IPO5: variants seen among roughly 807,000 people sequenced by gnomAD.
IPO5 encodes importin 5.
IPO5 carries 18 observed loss-of-function variants against 143.3 expected under a neutral mutation model. That is an observed-to-expected ratio of 0.13 (90% confidence interval 0.09 to 0.19). The LOEUF (loss-of-function observed/expected upper bound fraction) is 0.19. Ranked by LOEUF, IPO5 falls within the 10% of genes least tolerant of loss-of-function variation. The pLI is 1.00. For synonymous variants in IPO5, 477 were observed against 465.7 expected, an observed-to-expected ratio of 1.02 and a Z score of -0.31; for missense variants, 1,013 against 1,336.9, an observed-to-expected ratio of 0.76 and a Z score of 3.78.
In IPO5 at chr13:98,010,207, A is replaced by T; in HGVS notation, c.2038A>T (p.Thr680Ser). Reference protein sequence around the residue: ...IKTAGLEEKSTACQMLVCYAK... With the variant: ...IKTAGLEEKSSACQMLVCYAK... Reference sequence around the variant, plus strand: ...AACTGCAGGACTAGAAGAAAAATCAACTGCTTGCCAGATGTTGGTAAGAGA... The same window carrying T: ...AACTGCAGGACTAGAAGAAAAATCATCTGCTTGCCAGATGTTGGTAAGAGA... The change falls in exon 20 of 29, where the codon ACT (threonine) becomes TCT (serine). Residue 680 changes from threonine to serine, a missense_variant. Thr to Ser is a moderately conservative substitution (Grantham distance 58). Around this residue, in one of 2 missense-constraint regions of IPO5, gnomAD observed 685 missense variants for 994.9 expected, o/e 0.69. Coordinates refer to ENST00000651721, the MANE Select transcript of IPO5 (RefSeq NM_002271.6). The T allele has an allele frequency of 6.2e-7, 1 of 1,613,946 alleles. No individual in the cohort carries two copies. Among genetic ancestry groups the T allele is most frequent in the Non-Finnish European group, 8.5e-7 (1 of 1,179,920 alleles).
rs1218274861 is a variant in IPO5 at position 98,009,916 on chromosome 13, C to T, written c.1836C>T (p.Cys612=). The T allele has an allele frequency of 6.2e-7, 1 of 1,613,138 alleles. No individual in the cohort carries two copies. Among genetic ancestry groups the T allele is most frequent in the Admixed American group, 1.7e-5 (1 of 59,932 alleles). ...TGATCTCAGCATGGGCCAGAATGTG[C>T]AAAATCCTTGGAAAAGAATTTCAGC... ...SYMISAWARM[C]KILGKEFQQY... The change falls in exon 19 of 29, where the codon TGC becomes TGT. Residue 612 remains cysteine, a synonymous_variant. Coordinates refer to ENST00000651721, the MANE Select transcript of IPO5 (RefSeq NM_002271.6).
intron 9 of IPO5, 101 bp downstream of exon 9, chr13:97,990,638 G>T (rs1887730819): frequency 1.5e-6 from 1 of 658,854 alleles, no homozygotes; most frequent in South Asian, 2.0e-5. Flanking sequence ...TTATGTTCTG[G>T]CGCTAGGCAT....
intron 26 of IPO5, 31 bp from the exon 27 acceptor site, chr13:98,019,550 T>C: frequency 6.8e-7 from 1 of 1,460,288 alleles, no homozygotes; most frequent in Non-Finnish European, 9.6e-7. Context: ...TGTGAGGTTT[T>C]AGCTGAACTT....
chr13:97,963,197 A>C (rs1294775385), intron 2 of IPO5: 1 of 152,190 alleles, frequency 6.6e-6, no homozygotes, highest in East Asian at 1.9e-4. Context: ...TGTTTGACCA[A>C]ACAACGGGGC....
chr13:97,985,411 C>T lies in IPO5; in HGVS notation c.172-10C>T. ...TGAATCTAGTTATTAACAATGTTAT[C>T]TGTTTATAGGCTAGACAAATGGCCG... is the stretch of plus-strand genomic sequence containing the variant. On this transcript the variant is annotated splice_polypyrimidine_tract_variant and intron_variant, in intron 5 of 28. Coordinates refer to ENST00000651721, the MANE Select transcript of IPO5 (RefSeq NM_002271.6). 1 of 1,598,204 alleles carries T rather than the reference C, an allele frequency of 6.3e-7. No individual in the cohort carries two copies. The highest frequency in any genetic ancestry group is 8.6e-7 in the Non-Finnish European group (1 of 1,166,060).
At chr13:97,975,978 G>T in intron 3 of IPO5, 1 of 985,540 alleles carries the variant, frequency 1.0e-6, no homozygotes, top group African/African-American at 1.7e-5. Context: ...GTCTGAAAGC[G>T]AGAAGTCCGT....
Position 98,002,739 on chromosome 13 carries a change from T to C in IPO5, c.1289T>C (p.Phe430Ser). Reference protein sequence around the residue: ...CNAVGQMATDFAPGFQKKFHE... With the variant: ...CNAVGQMATDSAPGFQKKFHE... ...GCCGTGGGACAGATGGCTACAGATTTTGCACCTGGTTTCCAAAAGAAATTT... is the reference window on the plus strand; with the variant it reads ...GCCGTGGGACAGATGGCTACAGATTCTGCACCTGGTTTCCAAAAGAAATTT... Residue 430 changes from phenylalanine to serine, a missense_variant, in exon 15 of 29, where the codon TTT becomes TCT. By Grantham distance (155) the Phe-to-Ser change is radical. Transcript: ENST00000651721. 1 of 1,612,422 alleles carries C rather than the reference T, an allele frequency of 6.2e-7. No individual in the cohort carries two copies. The highest frequency in any genetic ancestry group is 8.5e-7 in the Non-Finnish European group (1 of 1,179,396).
intron 12 of IPO5, among the ~76,000 whole-genome samples, chr13:97,998,773 G>A (rs1303737288): frequency 1.3e-5 from 2 of 152,144 alleles, no homozygotes; most frequent in Non-Finnish European, 2.9e-5. Flanking sequence ...AGGTTATGTA[G>A]CCAGTTAATG....
chr13:97,959,352 T>C (rs1371502725), intron 2 of IPO5, among the ~76,000 whole-genome samples: 2 of 152,068 alleles, frequency 1.3e-5, no homozygotes, highest in African/African-American at 2.4e-5. Context: ...TGTTTTTGCC[T>C]CTGTCCTTCG....
intron 21 of IPO5, among the ~76,000 whole-genome samples, chr13:98,012,961 A>G (rs1446136304): frequency 6.6e-6 from 1 of 152,018 alleles, no homozygotes; most frequent in Non-Finnish European, 1.5e-5. Context: ...GTCTTAATAG[A>G]TTAGAGAACC....
At chr13:98,003,991 A>C (rs1377547673) in intron 16 of IPO5, among the ~76,000 whole-genome samples, 1 of 152,254 alleles carries the variant, frequency 6.6e-6, no homozygotes, top group Non-Finnish European at 1.5e-5. Context: ...TAAGGGATGC[A>C]ACCTGAAAAC....
intron 21 of IPO5, among the ~76,000 whole-genome samples, chr13:98,013,271 C>CT (rs1889863444): frequency 6.6e-6 from 1 of 151,998 alleles, no homozygotes; most frequent in African/African-American, 2.4e-5. Context: ...TAGAGACGGG[C>CT]TTTCACCACG....
intron 3 of IPO5, among the ~76,000 whole-genome samples, chr13:97,975,165 G>A (rs561042217): frequency 7.9e-4 from 120 of 151,398 alleles, no homozygotes; most frequent in Admixed American, 2.4e-3. Flanking sequence ...GTGTCCCTTT[G>A]GGGCAGAAAT....
chr13:98,017,602 G>A (rs1890211981), intron 25 of IPO5, among the ~76,000 whole-genome samples: 1 of 150,992 alleles, frequency 6.6e-6, no homozygotes, highest in African/African-American at 2.4e-5. Context: ...CCAGGCCTAC[G>A]CTTCCTATTT....
chr13:97,999,073 G>A (rs1888540385), intron 12 of IPO5, among the ~76,000 whole-genome samples: 1 of 152,138 alleles, frequency 6.6e-6, no homozygotes, highest in Admixed American at 6.5e-5. Context: ...AACCTGGGAG[G>A]TGGAGGTTGC....
intron 4 of IPO5, chr13:97,977,125 GCCCCTT>G (rs1300680177): frequency 6.4e-6 from 1 of 157,420 alleles, no homozygotes; most frequent in East Asian, 1.9e-4. Flanking sequence ...CTCCCCGCTT[GCCCCTT>G]TCCCGCTTTC....
At position 98,015,781 on chromosome 13, in the gene IPO5, G is replaced by A. The variant is rs1381006667; in HGVS notation, c.2493G>A (p.Glu831=). ...AGGTCGAAGAGTCACTACAAGATGA[G>A]GTAAGTTATTCCCTTTGGAACTTAC... is the stretch of plus-strand genomic sequence containing the variant. ...DEQVEESLQD[E]DDNDVYILTK... The change falls in exon 24 of 29, where the codon GAG becomes GAA. Residue 831 remains glutamate (E), a splice_region_variant and synonymous_variant. Coordinates refer to ENST00000651721, the MANE Select transcript of IPO5 (RefSeq NM_002271.6). 2 of 1,598,902 alleles carry A rather than the reference G, an allele frequency of 1.3e-6. No individual in the cohort carries two copies. Among genetic ancestry groups the A allele is most frequent in the Non-Finnish European group, 8.5e-7 (1 of 1,171,844 alleles).
At chr13:98,010,052 C>T (rs1889570795) in intron 19 of IPO5, 39 bp downstream of exon 19, 4 of 1,613,410 alleles carry the variant, frequency 2.5e-6, no homozygotes, top group Non-Finnish European at 2.5e-6. Flanking sequence ...TATAATAGTT[C>T]TCTCTTTGTT....
Position 98,019,525 on chromosome 13 carries a change from T to G in IPO5, c.2837-56T>G. On this transcript the variant is annotated intron_variant, in intron 26 of 28. Transcript: ENST00000651721. Reference sequence around the variant, plus strand: ...GAACCAAATACAAAAATACATATATTCATTTGCATGAAAATGTGAGGTTTT... The same window carrying G: ...GAACCAAATACAAAAATACATATATGCATTTGCATGAAAATGTGAGGTTTT... 2.6e-6 allele frequency: 3 copies of G among 1,157,344 alleles called. No individual in the cohort carries two copies. The South Asian group carries it at 3.9e-5, about 15-fold the overall frequency. 71.7% of individuals were successfully genotyped at this position (1,157,344 alleles called of 1,614,324 possible). A position where few individuals can be genotyped will look rare whatever the true frequency, so the allele number is the denominator to read the frequency against.
Sources: gnomAD v4.1 joint callset for allele counts (sites outside exome capture counted in the v4.1 genomes callset) on GRCh38, gnomAD v4.1.1 for gene constraint, gnomAD v4.1.1 regional missense constraint, MANE v1.5 for transcripts, NCBI Gene and HGNC (gene_info 2026-07-23, HGNC 2026-07-21) for gene names.